Variants in BBS9 observed in about 807,000 individuals in gnomAD.
The protein encoded by BBS9 is Bardet-Biedl syndrome 9, also known as protein PTHB1.
A neutral mutation model predicts 117.7 loss-of-function variants in BBS9; 89 were observed. The ratio of observed to expected loss-of-function variants is 0.76; its 90% confidence interval spans 0.64 to 0.90. BBS9 has a LOEUF of 0.90. Ranked by LOEUF, BBS9 falls within the 40% of genes least tolerant of loss-of-function variation. BBS9 has a pLI of 0.00. For synonymous variants in BBS9, 379 were observed against 370.9 expected (o/e 1.02, Z -0.25); for missense variants, 982 against 1,042.2 (o/e 0.94, Z 0.80).
intron 5 of BBS9, among the ~76,000 whole-genome samples, chr7:33,200,211 A>G (rs1179058630): frequency 2.0e-5 from 3 of 152,274 alleles, no homozygotes; most frequent in Non-Finnish European, 4.4e-5. Context: ...TTCAAACAGT[A>G]TACTTAATTT....
intron 21 of BBS9, among the ~76,000 whole-genome samples, chr7:33,631,862 T>C (rs764794032): frequency 2.6e-5 from 4 of 152,156 alleles, no homozygotes; most frequent in African/African-American, 9.7e-5. Flanking sequence ...TGATGGGGAT[T>C]ATGAAGAGAG....
intron 5 of BBS9, among the ~76,000 whole-genome samples, chr7:33,236,597 A>G (rs1793561238): frequency 6.6e-6 from 1 of 152,020 alleles, no homozygotes; most frequent in African/African-American, 2.4e-5. Flanking sequence ...ATAAATATTT[A>G]TACAACACAT....
At chr7:33,623,525 A>T (rs1203903263) in intron 21 of BBS9, among the ~76,000 whole-genome samples, 1 of 152,288 alleles carries the variant, frequency 6.6e-6, no homozygotes, top group East Asian at 1.9e-4. Flanking sequence ...ACATTCCTAG[A>T]TGTATAACTT....
intron 19 of BBS9, among the ~76,000 whole-genome samples, chr7:33,438,425 A>G (rs1835637321): frequency 6.6e-6 from 1 of 152,242 alleles, no homozygotes; most frequent in African/African-American, 2.4e-5. Flanking sequence ...CTACCAGGAA[A>G]GGAGTATGTA....
At chr7:33,267,481 A>C (rs1037340375) in intron 7 of BBS9, among the ~76,000 whole-genome samples, 32 of 139,008 alleles carry the variant, frequency 2.3e-4, no homozygotes, top group African/African-American at 8.6e-4. Context: ...TTTTTTTTTA[A>C]ATTCTATTTT....
rs374383847 is a variant in BBS9, at chr7:33,152,864, A to T, written c.263+13A>T. On this transcript the variant is annotated intron_variant, in intron 3 of 22. Coordinates refer to ENST00000242067, the MANE Select transcript of BBS9 (RefSeq NM_198428.3). ...GAAAGTTTGTTTCGTAAGTAAGCCCACTAATTCTGGTATTTTACTTGGAGT... is the reference window on the plus strand; with the variant it reads ...GAAAGTTTGTTTCGTAAGTAAGCCCTCTAATTCTGGTATTTTACTTGGAGT... 4.0e-5 allele frequency: 64 copies of T among 1,613,568 alleles called. No individual in the cohort carries two copies. Among genetic ancestry groups the T allele is most frequent in the Non-Finnish European group, 5.3e-5 (62 of 1,179,696 alleles).
In BBS9 at chr7:33,405,980, T is replaced by G. The variant is rs550961097; in HGVS notation, c.2115+17836T>G. Among the ~76,000 whole-genome samples the G allele has an allele frequency of 3.8e-3, 577 of 152,298 alleles. 6 individuals are homozygous for G. Among genetic ancestry groups the G allele is most frequent in the Non-Finnish European group, 5.6e-3 (381 of 68,022 alleles). Reference sequence around the variant, plus strand: ...CTTTCCTGCTTTCTCTTGTGGGCATTTAGTGCTATAAATTTCCCTCTACAC... The same window carrying G: ...CTTTCCTGCTTTCTCTTGTGGGCATGTAGTGCTATAAATTTCCCTCTACAC... On this transcript the variant is annotated intron_variant, in intron 19 of 22. Coordinates refer to ENST00000242067, the MANE Select transcript of BBS9 (RefSeq NM_198428.3).
chr7:33,199,699 G>A, intron 5 of BBS9, among the ~76,000 whole-genome samples: 1 of 151,222 alleles, frequency 6.6e-6, no homozygotes, highest in African/African-American at 2.4e-5. Flanking sequence ...AATGAAGGTG[G>A]GATAATTTAA....
Position 33,573,623 on chromosome 7 carries a change from T to C in BBS9, c.2522-31242T>C, listed in dbSNP as rs745574760. 4.1e-4 allele frequency among the ~76,000 whole-genome samples: 63 copies of C among 152,208 alleles called. 1 individual carries two copies. On this transcript the variant is annotated intron_variant, in intron 21 of 22. Transcript: ENST00000242067. ...TGTAATTTATTACTTTGTGCAGATA[T>C]ATTTTCATTTTATTAAAGGTATTGA...
At chr7:33,631,415 C>A (rs1272435624) in intron 21 of BBS9, among the ~76,000 whole-genome samples, 1 of 152,212 alleles carries the variant, frequency 6.6e-6, no homozygotes, top group Non-Finnish European at 1.5e-5. Context: ...ACCTTGTCCT[C>A]TCCAAAGGAT....
chr7:33,486,680 AGCT>A (rs1028099530), intron 19 of BBS9, among the ~76,000 whole-genome samples: 4 of 152,278 alleles, frequency 2.6e-5, no homozygotes, highest in East Asian at 1.9e-4. Context: ...ACTGGAAGTC[AGCT>A]TCTTCTTCTT....
intron 21 of BBS9, among the ~76,000 whole-genome samples, chr7:33,631,889 G>A (rs911774280): frequency 2.6e-5 from 4 of 152,156 alleles, no homozygotes; most frequent in African/African-American, 9.7e-5. Flanking sequence ...GAGGGAGGCT[G>A]TGCTTTTTGG....
chr7:33,342,141 C>T (rs1816701635), intron 11 of BBS9, among the ~76,000 whole-genome samples: 1 of 152,088 alleles, frequency 6.6e-6, no homozygotes, highest in South Asian at 2.1e-4. Flanking sequence ...TTAGTATAAA[C>T]AGCCAATCCA....
intron 19 of BBS9, among the ~76,000 whole-genome samples, chr7:33,443,700 C>T (rs144084017): frequency 0.011 from 1,655 of 152,278 alleles, 33 homozygotes; most frequent in African/African-American, 0.038. Context: ...TCTTGGCATT[C>T]TCTTGTAGTC....
chr7:33,261,426 G>A (rs932434092), intron 6 of BBS9, among the ~76,000 whole-genome samples: 4 of 152,114 alleles, frequency 2.6e-5, no homozygotes, highest in Admixed American at 2.0e-4. Context: ...CTTCTGTTTT[G>A]TTACTGGCAT....
At chr7:33,567,626 T>G (rs1280639822) in intron 21 of BBS9, among the ~76,000 whole-genome samples, 4 of 152,166 alleles carry the variant, frequency 2.6e-5, no homozygotes, top group Non-Finnish European at 4.4e-5. Flanking sequence ...TTTCTGTTAT[T>G]AGTTACTTTC....
Position 33,135,256 on chromosome 7 carries a change from G to A in BBS9, c.-12+5215G>A, listed in dbSNP as rs145107276. ...CTAAGAATCCATTGCCAAATCTGAG[G>A]TCATAAAGATTTATTTATATAGTCT... On this transcript the variant is annotated intron_variant, in intron 1 of 22. Coordinates refer to ENST00000242067, the MANE Select transcript of BBS9 (RefSeq NM_198428.3). 2.0e-4 allele frequency among the ~76,000 whole-genome samples: 30 copies of A among 152,258 alleles called. No individual in the cohort carries two copies. In the East Asian group the frequency reaches 5.8e-3, roughly 29 times the overall value.
At chr7:33,420,599 A>G (rs757054484) in intron 19 of BBS9, among the ~76,000 whole-genome samples, 5 of 152,142 alleles carry the variant, frequency 3.3e-5, no homozygotes, top group Admixed American at 6.5e-5. Context: ...CTCTTGTTTG[A>G]TAGCATAGCC....
intron 5 of BBS9, among the ~76,000 whole-genome samples, chr7:33,225,266 C>T (rs1301027812): frequency 6.6e-6 from 1 of 152,174 alleles, no homozygotes; most frequent in East Asian, 1.9e-4. Flanking sequence ...GGCATAATCA[C>T]AGCTCACTGT....
Sources: gnomAD v4.1 joint callset for allele counts (sites outside exome capture counted in the v4.1 genomes callset) on GRCh38, gnomAD v4.1.1 for gene constraint, MANE v1.5 for transcripts, NCBI Gene and HGNC (gene_info 2026-07-23, HGNC 2026-07-21) for gene names.